The following DNAH5 variants were observed in gnomAD, a reference collection of about 807,000 sequenced individuals.
DNAH5 encodes axonemal beta dynein heavy chain 5.
In DNAH5, 372 loss-of-function variants were observed where a neutral mutation model predicts 518.2. The ratio of observed to expected loss-of-function variants is 0.72; its 90% CI spans 0.66 to 0.78. DNAH5 has a LOEUF of 0.78. Among genes scored for constraint, DNAH5 ranks in the 30% least tolerant of loss-of-function variants. DNAH5 has a pLI of 0.00. For synonymous variants in DNAH5, 2,039 were observed against 2,025.9 expected (o/e 1.01, Z -0.17); for missense variants, 5,523 against 5,687.0 (o/e 0.97, Z 0.93).
chr5:13,895,565 G>A (rs1489152969), intron 15 of DNAH5, among the ~76,000 whole-genome samples: 1 of 152,146 alleles, frequency 6.6e-6, no homozygotes, highest in Non-Finnish European at 1.5e-5. Flanking sequence ...GGTCGCCAGA[G>A]GTCTACCTCA....
intron 38 of DNAH5, among the ~76,000 whole-genome samples, chr5:13,827,248 G>T (rs1364103433): frequency 6.6e-6 from 1 of 152,124 alleles, no homozygotes; most frequent in Non-Finnish European, 1.5e-5. Flanking sequence ...ATTTTCTGAG[G>T]AGAAATTAAG....
In DNAH5 at chr5:13,716,650, A is replaced by T. The variant is rs1351957725; in HGVS notation, c.12746T>A (p.Ile4249Asn). 13 of 1,613,750 alleles carry T rather than the reference A, an allele frequency of 8.1e-6. No individual in the cohort carries two copies. Among genetic ancestry groups the T allele is most frequent in the Non-Finnish European group, 1.1e-5 (13 of 1,179,824 alleles). The change falls in exon 74 of 79, where the codon ATT (isoleucine) becomes AAT (asparagine). Residue 4249 changes from isoleucine to asparagine, a missense_variant. By Grantham distance (149) the Ile-to-Asn change is moderately radical. Around this residue, in one of 3 missense-constraint regions of DNAH5, gnomAD observed 5,121 missense variants for 5,223.3 expected, o/e 0.98. Transcript: ENST00000265104. ...GTCAGTGACTCTGCCTCCATATTGA[A>T]TCTCTCCTATCATGTAGCGGATGGT... The part of the protein sequence containing the change: ...WTTIRYMIGE[I>N]QYGGRVTDDY...
chr5:13,805,722 C>T (rs1759482012), intron 47 of DNAH5, among the ~76,000 whole-genome samples: 1 of 152,188 alleles, frequency 6.6e-6, no homozygotes, highest in South Asian at 2.1e-4. Flanking sequence ...TTGACTGACA[C>T]TTACTTGTAT....
At chr5:13,842,293 T>A (rs1253676584) in intron 32 of DNAH5, among the ~76,000 whole-genome samples, 2 of 151,626 alleles carry the variant, frequency 1.3e-5, no homozygotes, top group African/African-American at 4.9e-5. Context: ...GGCACGAGAA[T>A]CACTTGAACA....
At chr5:13,726,720 G>A (rs1309699598) in intron 70 of DNAH5, among the ~76,000 whole-genome samples, 1 of 152,138 alleles carries the variant, frequency 6.6e-6, no homozygotes, top group African/African-American at 2.4e-5. Flanking sequence ...GTACCTAAGT[G>A]GACTTGGAGG....
intron 15 of DNAH5, chr5:13,898,575 T>C (rs1257395870): frequency 2.5e-6 from 1 of 398,494 alleles, no homozygotes; most frequent in African/African-American, 2.1e-5. Context: ...TCTGCCACTT[T>C]GTAGCTATGA....
At chr5:13,890,922 T>C (rs1773131111) in intron 17 of DNAH5, 54 bp downstream of exon 17, 3 of 1,607,074 alleles carry the variant, frequency 1.9e-6, no homozygotes, top group Non-Finnish European at 8.5e-7. Flanking sequence ...GTGACCTTTA[T>C]AGGAAAATGA....
chr5:13,888,959 T>G (rs1042732743), intron 17 of DNAH5, among the ~76,000 whole-genome samples: 1 of 152,180 alleles, frequency 6.6e-6, no homozygotes, highest in Non-Finnish European at 1.5e-5. Flanking sequence ...CAGAATATTC[T>G]GAAGGCACCA....
chr5:13,979,832 G>GT (rs1782540059), intron 1 of DNAH5, among the ~76,000 whole-genome samples: 1 of 137,718 alleles, frequency 7.3e-6, no homozygotes, highest in Non-Finnish European at 1.5e-5. Context: ...ATTTGGCAAA[G>GT]TTTTTTGGGG....
intron 61 of DNAH5, among the ~76,000 whole-genome samples, chr5:13,755,925 A>G (rs1351254042): frequency 6.6e-6 from 1 of 152,172 alleles, no homozygotes; most frequent in Non-Finnish European, 1.5e-5. Context: ...GGGGATTACA[A>G]TTTGGGAGAA....
intron 1 of DNAH5, among the ~76,000 whole-genome samples, chr5:13,998,332 A>T (rs895058928): frequency 2.6e-5 from 4 of 152,244 alleles, no homozygotes; most frequent in African/African-American, 9.6e-5. Flanking sequence ...TTACAAGAGC[A>T]GAGCCTTCAC....
chr5:13,703,740 C>A (rs915521297), intron 76 of DNAH5, among the ~76,000 whole-genome samples: 3 of 152,110 alleles, frequency 2.0e-5, no homozygotes, highest in African/African-American at 7.2e-5. Context: ...GATCCTTGAC[C>A]CTCTCATTCT....
chr5:13,776,404 A>G, intron 55 of DNAH5, 35 bp downstream of exon 55: 1 of 1,612,888 alleles, frequency 6.2e-7, no homozygotes, highest in Non-Finnish European at 8.5e-7. Context: ...CCTTGAACAC[A>G]TGTTATGCCC....
intron 35 of DNAH5, among the ~76,000 whole-genome samples, chr5:13,835,190 C>A (rs573793495): frequency 9.9e-5 from 15 of 151,762 alleles, no homozygotes; most frequent in Non-Finnish European, 1.9e-4. Flanking sequence ...GAGGCTGAGG[C>A]AGGAGAATCA....
At position 13,862,666 on chromosome 5, in the gene DNAH5, A is replaced by G. The variant is rs1768627377; in HGVS notation, c.4678T>C (p.Phe1560Leu). 1.9e-6 allele frequency: 3 copies of G among 1,613,928 alleles called. No individual in the cohort carries two copies. Among genetic ancestry groups the G allele is most frequent in the East Asian group, 2.2e-5 (1 of 44,838 alleles). The part of the protein sequence containing the change: ...QVINEWDNKT[F>L]TFGSFKTRGE... ...CGGGTTTTAAAGCTGCCGAAGGTGAATGTTTTATTGTCCCATTCATTAATC... is the reference window on the plus strand; with the variant it reads ...CGGGTTTTAAAGCTGCCGAAGGTGAGTGTTTTATTGTCCCATTCATTAATC... Residue 1560 changes from phenylalanine to leucine, a missense_variant, in exon 29 of 79, where the codon TTC becomes CTC. This residue lies in a region of DNAH5 where 5,121 missense variants were observed against 5,223.3 expected (regional missense o/e 0.98). Coordinates refer to ENST00000265104, the MANE Select transcript of DNAH5 (RefSeq NM_001369.3).
intron 46 of DNAH5, among the ~76,000 whole-genome samples, chr5:13,808,225 C>CAAAAA (rs56686032): frequency 1.2e-5 from 1 of 86,348 alleles, no homozygotes. Context: ...GACTCCATCT[C>CAAAAA]AAAAAAAAAA....
intron 41 of DNAH5, 67 bp from the exon 42 acceptor site, chr5:13,817,761 C>G: frequency 1.3e-6 from 2 of 1,523,078 alleles, no homozygotes; most frequent in Non-Finnish European, 1.8e-6. Context: ...AGCAACATTG[C>G]ACTAATTTGT....
Position 13,866,409 on chromosome 5 carries a change from GA to G in DNAH5, c.4054-128del, listed in dbSNP as rs559453240. 5.6e-4 allele frequency: 442 copies of G among 787,986 alleles called. 3 individuals are homozygous for G. Among genetic ancestry groups the G allele is most frequent in the African/African-American group, 5.4e-3 (303 of 56,310 alleles). 48.8% of individuals were successfully genotyped at this position (787,986 alleles called of 1,614,324 possible). A position where few individuals can be genotyped will look rare whatever the true frequency, so the allele number is the denominator to read the frequency against. On this transcript the variant is annotated intron_variant, in intron 25 of 78. Transcript: ENST00000265104. ...TAGGAAACTTCATTTTTATTTGTTA[GA>G]AAAAAAGGGCCTCACAAAGTGATTC...
At chr5:13,872,259 T>C (rs1029354026) in intron 22 of DNAH5, among the ~76,000 whole-genome samples, 6 of 152,140 alleles carry the variant, frequency 3.9e-5, no homozygotes, top group African/African-American at 1.4e-4. Flanking sequence ...GGAATGGAGA[T>C]TAGATCTTAG....
Sources: allele counts gnomAD v4.1 joint callset (sites outside exome capture counted in the v4.1 genomes callset), GRCh38; gene constraint gnomAD v4.1.1; regional missense constraint gnomAD v4.1.1; transcripts MANE v1.5; gene names NCBI Gene and HGNC (gene_info 2026-07-23, HGNC 2026-07-21).